SYCP2: variants seen among roughly 807,000 people sequenced by gnomAD.
SYCP2 encodes synaptonemal complex lateral element protein.
Under a neutral mutation model 211.3 loss-of-function variants are expected in SYCP2, and 55 were observed. The observed-to-expected ratio is 0.26, with a 90% confidence interval of 0.21 to 0.33. The LOEUF (loss-of-function observed/expected upper bound fraction) is 0.33, where lower values mean the gene tolerates loss of function less well. SYCP2 is among the 10% of genes least tolerant of loss of function. SYCP2 has a pLI of 1.00. For missense variants in SYCP2, 1,731 were observed against 1,752.0 expected, an observed-to-expected ratio of 0.99 and a Z score of 0.21; for synonymous variants, 570 against 555.2, an observed-to-expected ratio of 1.03 and a Z score of -0.37.
chr20:59,911,687 A>T (rs2060330993), intron 14 of SYCP2, 63 bp downstream of exon 14: 10 of 669,000 alleles, frequency 1.5e-5, no homozygotes, highest in Middle Eastern at 3.0e-4. Flanking sequence ...CACATTCTTA[A>T]AGTAAGTAAA....
At position 59,900,780 on chromosome 20, in the gene SYCP2, C is replaced by A. The variant is rs779128904; in HGVS notation, c.1221G>T (p.Thr407=). 5 of 1,612,610 alleles carry A rather than the reference C, an allele frequency of 3.1e-6. No homozygotes were observed. The highest frequency in any genetic ancestry group is 4.2e-6 in the Non-Finnish European group (5 of 1,179,180). ...IRKQGISVAK[T]SLHILFDASG... ...TTGCGTCAAAAAGTATATGCAGCGA[C>A]GTTTTGGCAACTGAAATACCTTGTT... is the stretch of plus-strand genomic sequence containing the variant. The change falls in exon 17 of 45, where the codon ACG becomes ACT. Residue 407 remains threonine (T), a synonymous_variant. Coordinates refer to ENST00000357552, the MANE Select transcript of SYCP2 (RefSeq NM_014258.4).
chr20:59,878,912 G>A (rs1333441261), intron 31 of SYCP2, among the ~76,000 whole-genome samples: 2 of 152,014 alleles, frequency 1.3e-5, no homozygotes, highest in Non-Finnish European at 2.9e-5. Context: ...TTGGAAGAGA[G>A]GTCCTCTAAT....
intron 26 of SYCP2, among the ~76,000 whole-genome samples, chr20:59,883,627 T>C (rs1188006603): frequency 1.8e-4 from 27 of 148,114 alleles, no homozygotes; most frequent in Admixed American, 1.7e-3. Flanking sequence ...CTCCCTTATA[T>C]GTGGAATCTT....
At chr20:59,897,329 A>G (rs913714258) in intron 18 of SYCP2, among the ~76,000 whole-genome samples, 3 of 152,214 alleles carry the variant, frequency 2.0e-5, no homozygotes, top group Non-Finnish European at 4.4e-5. Flanking sequence ...GATTAACTAG[A>G]AAACAAGCTT....
intron 35 of SYCP2, among the ~76,000 whole-genome samples, chr20:59,870,378 A>G (rs908990236): frequency 2.1e-5 from 3 of 146,110 alleles, no homozygotes. Flanking sequence ...GTTGGAGATA[A>G]AACAATCAAT....
intron 4 of SYCP2, 132 bp downstream of exon 4, chr20:59,921,178 T>G: frequency 3.2e-6 from 2 of 619,624 alleles, no homozygotes; most frequent in Non-Finnish European, 5.2e-6. Flanking sequence ...AATGGTGAAA[T>G]AAGCATTTAT....
At chr20:59,891,870 G>T in intron 24 of SYCP2, 120 bp downstream of exon 24, 1 of 866,486 alleles carries the variant, frequency 1.2e-6, no homozygotes. Flanking sequence ...TCTGGGCACT[G>T]AATTAAACAA....
intron 24 of SYCP2, among the ~76,000 whole-genome samples, chr20:59,887,623 A>G (rs1418598236): frequency 6.6e-6 from 1 of 152,058 alleles, no homozygotes; most frequent in Non-Finnish European, 1.5e-5. Flanking sequence ...AACAGTGTAA[A>G]AGTGTTCCTA....
At chr20:59,930,221 C>T (rs909683472) in intron 2 of SYCP2, among the ~76,000 whole-genome samples, 3 of 152,078 alleles carry the variant, frequency 2.0e-5, no homozygotes, top group Non-Finnish European at 4.4e-5. Context: ...CAATTAATTA[C>T]ACTATTCTGC....
At position 59,920,368 on chromosome 20, in the gene SYCP2, T is replaced by C; in HGVS notation, c.288A>G (p.Leu96=). 3 of 1,606,052 alleles carry C rather than the reference T, an allele frequency of 1.9e-6. No homozygotes were observed. Among genetic ancestry groups the C allele is most frequent in the South Asian group, 1.1e-5 (1 of 90,202 alleles). ...AGLLTMIKQG[L]IQKMVAWFEK... ...CATATTCTATACTTATCTTTTGTAT[T>C]AGTCCTTGTTTTATCATCGTTAGAA... is the stretch of plus-strand genomic sequence containing the variant. Residue 96 remains leucine, a synonymous_variant, in exon 5 of 45, where the codon CTA becomes CTG. Transcript: ENST00000357552.
chr20:59,881,069 T>A (rs1398925092), intron 29 of SYCP2, 46 bp from the exon 30 acceptor site: 1 of 1,140,200 alleles, frequency 8.8e-7, no homozygotes, highest in East Asian at 2.6e-5. Context: ...TTCATACTTG[T>A]TTTCTTAAGG....
chr20:59,921,867 C>T (rs1464144861), intron 3 of SYCP2, among the ~76,000 whole-genome samples: 1 of 151,348 alleles, frequency 6.6e-6, no homozygotes, highest in Non-Finnish European at 1.5e-5. Context: ...CAGGCAAAAG[C>T]ACCTTTTAGA....
Position 59,875,441 on chromosome 20 carries a change from G to A in SYCP2, c.3179C>T (p.Thr1060Met), listed in dbSNP as rs774158279. The A allele has an allele frequency of 2.0e-5, 33 of 1,611,368 alleles. No individual in the cohort carries two copies. The highest frequency in any genetic ancestry group is 1.7e-4 in the Middle Eastern group (1 of 6,022). Reference sequence around the variant, plus strand: ...CTGTTGTTTCTTTGGTAGCTTTACCGTTTTCATTCTGGAATGGATATTCTC... The same window carrying A: ...CTGTTGTTTCTTTGGTAGCTTTACCATTTTCATTCTGGAATGGATATTCTC... Reference protein sequence around the residue: ...KEENIHSRMKTVKLPKKQQKV... With the variant: ...KEENIHSRMKMVKLPKKQQKV... Residue 1060 changes from threonine to methionine, a missense_variant, in exon 34 of 45, where the codon ACG (threonine) becomes ATG (methionine). Physicochemically the swap from Thr to Met is moderately conservative, Grantham distance 81. Transcript: ENST00000357552.
chr20:59,928,585 C>T (rs1340980642), intron 2 of SYCP2, among the ~76,000 whole-genome samples: 1 of 151,982 alleles, frequency 6.6e-6, no homozygotes, highest in Non-Finnish European at 1.5e-5. Flanking sequence ...TACAAAGTCA[C>T]AAGAAATAAC....
rs763773515 is a variant in SYCP2, at chr20:59,895,561, A to AGTGGTGGTTTAATTCTTCTTCTTC, written c.1517_1540dup (p.Arg506_Pro513dup). 2,146 of 1,613,242 alleles carry AGTGGTGGTTTAATTCTTCTTCTTC rather than the reference A, an allele frequency of 1.3e-3. 4 individuals carry two copies. The highest frequency in any genetic ancestry group is 3.4e-3 in the Admixed American group (203 of 59,940). Reference sequence around the variant, plus strand: ...TTTCTCTGCAGAGCTCGTCATTTGCAGTGGTGGTTTAATTCTTCTTCTTCG... The same window carrying AGTGGTGGTTTAATTCTTCTTCTTC: ...TTTCTCTGCAGAGCTCGTCATTTGCAGTGGTGGTTTAATTCTTCTTCTTCGTGGTGGTTTAATTCTTCTTCTTCG... On this transcript the variant is annotated inframe_insertion, in exon 20 of 45. Transcript: ENST00000357552.
intron 10 of SYCP2, 139 bp downstream of exon 10, chr20:59,915,022 ATATT>A (rs2060410065): frequency 1.4e-5 from 8 of 577,720 alleles, no homozygotes; most frequent in South Asian, 2.6e-5. Flanking sequence ...AATTTCATGT[ATATT>A]TATTAAAAAT....
In SYCP2 at chr20:59,915,157, ATACT is replaced by A. The variant is rs1300858538; in HGVS notation, c.634+4_634+7del. On this transcript the variant is annotated splice_donor_5th_base_variant and intron_variant, in intron 10 of 44. Transcript: ENST00000357552. ...GAATAATTTTAGATTTGGAAAAGAC[ATACT>A]TACCTCCAGCATCTAAAATCCTTTC... The A allele has an allele frequency of 1.3e-6, 2 of 1,553,050 alleles. No homozygotes were observed. The highest frequency in any genetic ancestry group is 2.3e-5 in the East Asian group (1 of 44,300).
In SYCP2 at chr20:59,906,423, C is replaced by A. The variant is rs554869692; in HGVS notation, c.1033+941G>T. ...ACTATTACAGAGTCATGATTTTCAA[C>A]AAAGAAACCAAAGAAATCCAATGGA... On this transcript the variant is annotated intron_variant, in intron 15 of 44. Transcript: ENST00000357552. Among the ~76,000 whole-genome samples the A allele has an allele frequency of 1.4e-4, 21 of 151,956 alleles. No homozygotes were observed. In the Middle Eastern group the frequency reaches 0.01, roughly 74 times the overall value.
chr20:59,903,008 T>C (rs1477744770), intron 15 of SYCP2, among the ~76,000 whole-genome samples: 1 of 152,166 alleles, frequency 6.6e-6, no homozygotes, highest in Non-Finnish European at 1.5e-5. Flanking sequence ...GTAAATTATA[T>C]TAAATGTAAT....
Sources: allele counts gnomAD v4.1 joint callset (sites outside exome capture counted in the v4.1 genomes callset), GRCh38; gene constraint gnomAD v4.1.1; transcripts MANE v1.5; gene names NCBI Gene and HGNC (gene_info 2026-07-23, HGNC 2026-07-21).